PCSK2: variants seen among roughly 807,000 people sequenced by gnomAD.
PCSK2 encodes the protein neuroendocrine convertase 2.
Under a neutral mutation model 69.7 loss-of-function variants are expected in PCSK2, and 14 were observed. That is an observed-to-expected ratio of 0.20 (90% CI 0.13 to 0.31). The LOEUF (loss-of-function observed/expected upper bound fraction) is 0.31. Ranked by LOEUF, PCSK2 falls within the 10% of genes least tolerant of loss-of-function variation. The pLI is 1.00. For synonymous variants in PCSK2, 307 were observed against 320.7 expected (o/e 0.96, Z 0.46); for missense variants, 544 against 842.5 (o/e 0.65, Z 4.39).
At chr20:17,360,787 C>A in intron 4 of PCSK2, 147 bp downstream of exon 4, 1 of 563,960 alleles carries the variant, frequency 1.8e-6, no homozygotes, top group Non-Finnish European at 3.2e-6. Context: ...GTGCCCAGAT[C>A]TTCACCTTTC....
intron 2 of PCSK2, among the ~76,000 whole-genome samples, chr20:17,340,626 G>T (rs912683636): frequency 4.6e-5 from 7 of 151,972 alleles, no homozygotes; most frequent in African/African-American, 1.7e-4. Context: ...ACGGATTTGG[G>T]CTCCTATTTT....
At chr20:17,364,703 A>G (rs1167629454) in intron 4 of PCSK2, among the ~76,000 whole-genome samples, 1 of 152,152 alleles carries the variant, frequency 6.6e-6, no homozygotes, top group African/African-American at 2.4e-5. Context: ...CCCAACACTT[A>G]GCAGCTTGAA....
chr20:17,259,874 C>G (rs1454185339), intron 1 of PCSK2, among the ~76,000 whole-genome samples: 1 of 152,002 alleles, frequency 6.6e-6, no homozygotes, highest in African/African-American at 2.4e-5. Context: ...CAGGTGGTAC[C>G]TGGGGTATGC....
intron 1 of PCSK2, among the ~76,000 whole-genome samples, chr20:17,247,529 G>A (rs1986813099): frequency 6.6e-6 from 1 of 152,164 alleles, no homozygotes; most frequent in Non-Finnish European, 1.5e-5. Context: ...GCCTGACTGA[G>A]GACCATGAAA....
At chr20:17,478,350 G>A (rs1249503429) in intron 11 of PCSK2, among the ~76,000 whole-genome samples, 1 of 152,128 alleles carries the variant, frequency 6.6e-6, no homozygotes, top group Non-Finnish European at 1.5e-5. Context: ...CCCATAATAG[G>A]CATCTGATAA....
intron 6 of PCSK2, among the ~76,000 whole-genome samples, chr20:17,421,807 TAAAAAAAAAAAAAAAAAA>T (rs56376793): frequency 2.5e-5 from 2 of 78,972 alleles, no homozygotes; most frequent in Non-Finnish European, 4.6e-5. Flanking sequence ...GGAAGAGAGG[TAAAAAAAAAAAAAAAAAA>T]AAAAAAAAAA....
chr20:17,283,742 T>C (rs967634896), intron 2 of PCSK2, among the ~76,000 whole-genome samples: 1 of 152,180 alleles, frequency 6.6e-6, no homozygotes, highest in Non-Finnish European at 1.5e-5. Context: ...CTTGTCATGC[T>C]AGAGAAAAAG....
At chr20:17,465,987 A>C (rs2033094590) in intron 11 of PCSK2, among the ~76,000 whole-genome samples, 1 of 152,168 alleles carries the variant, frequency 6.6e-6, no homozygotes, top group Admixed American at 6.5e-5. Flanking sequence ...ACTCAGGGAC[A>C]ACCAGTTTCC....
At chr20:17,360,969 A>G (rs908999251) in intron 4 of PCSK2, among the ~76,000 whole-genome samples, 18 of 152,208 alleles carry the variant, frequency 1.2e-4, no homozygotes, top group Non-Finnish European at 2.6e-4. Flanking sequence ...TTCACCATCA[A>G]TTTCTCTAGA....
intron 11 of PCSK2, among the ~76,000 whole-genome samples, chr20:17,473,927 C>T (rs1261866362): frequency 6.6e-6 from 1 of 152,140 alleles, no homozygotes; most frequent in Non-Finnish European, 1.5e-5. Flanking sequence ...AGGGCAGGAT[C>T]GGGGCGTTTT....
In PCSK2 at chr20:17,294,249, C is replaced by A. The variant is rs1348135669; in HGVS notation, c.282+33905C>A. ...CCTCCCGAGTAGCTGGGACTACAGGCGCCCGCCACCGCGCCCGGCTAATTT... is the reference window on the plus strand; with the variant it reads ...CCTCCCGAGTAGCTGGGACTACAGGAGCCCGCCACCGCGCCCGGCTAATTT... On this transcript the variant is annotated intron_variant, in intron 2 of 11. Coordinates refer to ENST00000262545, the MANE Select transcript of PCSK2 (RefSeq NM_002594.5). Among the ~76,000 whole-genome samples the A allele has an allele frequency of 7.3e-5, 11 of 150,846 alleles. No homozygotes were observed. In the East Asian group the frequency reaches 2.1e-3, roughly 29 times the overall value.
intron 1 of PCSK2, among the ~76,000 whole-genome samples, chr20:17,236,900 G>A (rs1291318229): frequency 1.3e-5 from 2 of 152,160 alleles, no homozygotes; most frequent in South Asian, 2.1e-4. Context: ...CAGAGGGAAG[G>A]AAGAGGTGTT....
At chr20:17,396,760 G>GT (rs2031519565) in intron 5 of PCSK2, among the ~76,000 whole-genome samples, 1 of 152,102 alleles carries the variant, frequency 6.6e-6, no homozygotes, top group South Asian at 2.1e-4. Context: ...GGGACTACAG[G>GT]TGCGTACCAC....
At position 17,269,725 on chromosome 20, in the gene PCSK2, G is replaced by A. The variant is rs954956274; in HGVS notation, c.282+9381G>A. Among the ~76,000 whole-genome samples the A allele has an allele frequency of 7.9e-5, 12 of 152,064 alleles. No homozygotes were observed. In the South Asian group the frequency reaches 8.3e-4, roughly 11 times the overall value. ...GGCACTAACTCAGAGCCAAGACCGC[G>A]TTCTGCAAGCTGCCAGGTGAAGTTA... On this transcript the variant is annotated intron_variant, in intron 2 of 11. Coordinates refer to ENST00000262545, the MANE Select transcript of PCSK2 (RefSeq NM_002594.5).
intron 11 of PCSK2, chr20:17,479,151 A>G (rs2033343924): frequency 7.3e-7 from 1 of 1,376,968 alleles, no homozygotes. Context: ...ATCTTACGGT[A>G]CAGGTTCCAT....
At chr20:17,476,962 A>T (rs2033301511) in intron 11 of PCSK2, among the ~76,000 whole-genome samples, 1 of 152,232 alleles carries the variant, frequency 6.6e-6, no homozygotes, top group Non-Finnish European at 1.5e-5. Context: ...CCCATAGCTG[A>T]TGGACACTCC....
intron 2 of PCSK2, among the ~76,000 whole-genome samples, chr20:17,279,296 T>C (rs1988215079): frequency 6.6e-6 from 1 of 152,192 alleles, no homozygotes; most frequent in South Asian, 2.1e-4. Context: ...TGCAAGTGTT[T>C]CTCTGTTATC....
intron 5 of PCSK2, among the ~76,000 whole-genome samples, chr20:17,403,034 C>A (rs1324047804): frequency 1.3e-5 from 2 of 152,078 alleles, no homozygotes; most frequent in Non-Finnish European, 2.9e-5. Context: ...GTGGCCTGAC[C>A]GTTCAGTTGT....
chr20:17,355,584 G>C (rs2030166725), intron 2 of PCSK2, among the ~76,000 whole-genome samples: 1 of 152,012 alleles, frequency 6.6e-6, no homozygotes, highest in African/African-American at 2.4e-5. Context: ...TTTCCAGGTG[G>C]AGAACTATAC....
Sources: allele counts gnomAD v4.1 joint callset (sites outside exome capture counted in the v4.1 genomes callset), GRCh38; gene constraint gnomAD v4.1.1; transcripts MANE v1.5; gene names NCBI Gene and HGNC (gene_info 2026-07-23, HGNC 2026-07-21).